SAMD12: variants seen among roughly 807,000 people sequenced by gnomAD.
The protein encoded by SAMD12 is sterile alpha motif domain-containing protein 12.
In SAMD12, 9 loss-of-function variants were observed where a neutral mutation model predicts 15.0. The observed-to-expected ratio is 0.60, with a 90% CI of 0.36 to 1.05. The LOEUF (loss-of-function observed/expected upper bound fraction) is 1.05. Among genes scored for constraint, SAMD12 ranks in the 50% least tolerant of loss-of-function variants. SAMD12 has a pLI of 0.01. For synonymous variants in SAMD12, 86 were observed against 90.1 expected, an observed-to-expected ratio of 0.96 and a Z score of 0.25; for missense variants, 230 against 234.2, an observed-to-expected ratio of 0.98 and a Z score of 0.12.
At chr8:118,526,032 T>C (rs1286206707) in intron 2 of SAMD12, among the ~76,000 whole-genome samples, 2 of 152,224 alleles carry the variant, frequency 1.3e-5, no homozygotes, top group African/African-American at 4.8e-5. Flanking sequence ...TTCACAAGAC[T>C]GATTACAGAC....
At chr8:118,271,714 A>T (rs572759889) in intron 4 of SAMD12, among the ~76,000 whole-genome samples, 6 of 152,326 alleles carry the variant, frequency 3.9e-5, no homozygotes, top group African/African-American at 1.2e-4. Context: ...CAAAGGGGCT[A>T]CAGGCCTCAT....
chr8:118,359,757 C>T (rs190118849), intron 4 of SAMD12, among the ~76,000 whole-genome samples: 1 of 152,152 alleles, frequency 6.6e-6, no homozygotes, highest in East Asian at 1.9e-4. Context: ...AATGACAGTG[C>T]TAAAAAAGTG....
At chr8:118,401,778 G>A (rs1029503370) in intron 3 of SAMD12, among the ~76,000 whole-genome samples, 1 of 152,088 alleles carries the variant, frequency 6.6e-6, no homozygotes, top group African/African-American at 2.4e-5. Flanking sequence ...ATGCATTGCT[G>A]GGATTGAACA....
intron 3 of SAMD12, among the ~76,000 whole-genome samples, chr8:118,384,294 A>G (rs1313139807): frequency 1.3e-5 from 2 of 152,158 alleles, no homozygotes; most frequent in Non-Finnish European, 2.9e-5. Flanking sequence ...CTGAATATGG[A>G]AAGTTTTGAG....
At chr8:118,507,286 G>A (rs1375281864) in intron 2 of SAMD12, among the ~76,000 whole-genome samples, 1 of 151,844 alleles carries the variant, frequency 6.6e-6, no homozygotes, top group East Asian at 1.9e-4. Context: ...CCTCCTCTGC[G>A]TTAGAGTGAT....
At chr8:118,529,505 A>G (rs1190574568) in intron 2 of SAMD12, among the ~76,000 whole-genome samples, 1 of 152,180 alleles carries the variant, frequency 6.6e-6, no homozygotes, top group Non-Finnish European at 1.5e-5. Context: ...AATAGTGTAC[A>G]TTGTACTCAA....
the SAMD12 span, among the ~76,000 whole-genome samples, chr8:118,133,332 CT>C: frequency 6.6e-6 from 1 of 151,580 alleles, no homozygotes; most frequent in African/African-American, 2.4e-5. Flanking sequence ...ATTTGATCTT[CT>C]TTTTTTTCCT....
intron 1 of SAMD12, among the ~76,000 whole-genome samples, chr8:118,582,415 A>C (rs573418398): frequency 6.6e-6 from 1 of 152,182 alleles, no homozygotes; most frequent in Admixed American, 6.5e-5. Context: ...ATACTGCTCA[A>C]ATATTCAATG....
intron 4 of SAMD12, among the ~76,000 whole-genome samples, chr8:118,347,605 G>T (rs1349545138): frequency 1.3e-5 from 2 of 152,068 alleles, no homozygotes; most frequent in African/African-American, 2.4e-5. Flanking sequence ...CACTATAAAA[G>T]GCTGTTTTTT....
intron 3 of SAMD12, among the ~76,000 whole-genome samples, chr8:118,406,243 T>G (rs974294247): frequency 2.0e-5 from 3 of 151,840 alleles, no homozygotes; most frequent in African/African-American, 7.3e-5. Context: ...ATATATAACA[T>G]AATTTACCAT....
intron 4 of SAMD12, among the ~76,000 whole-genome samples, chr8:118,265,789 T>C (rs1409131729): frequency 6.6e-6 from 1 of 151,658 alleles, no homozygotes; most frequent in Non-Finnish European, 1.5e-5. Context: ...AATTTGTATA[T>C]AGGAATTTTT....
downstream of SAMD12, among the ~76,000 whole-genome samples, chr8:118,188,593 C>A (rs1010258983): frequency 1.3e-5 from 2 of 152,044 alleles, no homozygotes; most frequent in African/African-American, 4.8e-5. Context: ...AGTGCTTTTT[C>A]CTTTCTGGGA....
At chr8:118,401,878 T>C (rs549622710) in intron 3 of SAMD12, among the ~76,000 whole-genome samples, 15 of 152,336 alleles carry the variant, frequency 9.8e-5, no homozygotes, top group Admixed American at 9.1e-4. Flanking sequence ...ATTTTCAGAA[T>C]GTCTTCTCAT....
chr8:118,187,044 G>A (rs1819255158), downstream of SAMD12, among the ~76,000 whole-genome samples: 1 of 152,144 alleles, frequency 6.6e-6, no homozygotes, highest in Non-Finnish European at 1.5e-5. Flanking sequence ...CAGACACTGG[G>A]CCATGGGAAC....
At chr8:118,340,693 CG>C (rs948378826) in intron 4 of SAMD12, among the ~76,000 whole-genome samples, 1 of 152,014 alleles carries the variant, frequency 6.6e-6, no homozygotes, top group African/African-American at 2.4e-5. Context: ...CACTTGAACC[CG>C]GGAGGTGGAG....
At chr8:118,216,936 A>G (rs939261325) in intron 4 of SAMD12, among the ~76,000 whole-genome samples, 1 of 152,194 alleles carries the variant, frequency 6.6e-6, no homozygotes, top group African/African-American at 2.4e-5. Context: ...TTCATTCCCT[A>G]TATCCACCCT....
intron 3 of SAMD12, among the ~76,000 whole-genome samples, chr8:118,382,443 A>T (rs1640861451): frequency 6.6e-6 from 1 of 152,232 alleles, no homozygotes; most frequent in African/African-American, 2.4e-5. Context: ...CTGTAGCCCC[A>T]GCCTTTCCAA....
intron 4 of SAMD12, among the ~76,000 whole-genome samples, chr8:118,319,001 C>G (rs1192868192): frequency 6.6e-6 from 1 of 152,082 alleles, no homozygotes; most frequent in African/African-American, 2.4e-5. Context: ...GCTGGACCAC[C>G]TTGCATGAGA....
intron 4 of SAMD12, among the ~76,000 whole-genome samples, chr8:118,332,543 T>C (rs927469186): frequency 1.1e-4 from 17 of 152,246 alleles, no homozygotes; most frequent in Non-Finnish European, 7.3e-5. Flanking sequence ...TGCTCATCCC[T>C]GCTTTTTTCA....
Sources: gnomAD v4.1 joint callset for allele counts (sites outside exome capture counted in the v4.1 genomes callset) on GRCh38, gnomAD v4.1.1 for gene constraint, MANE v1.5 for transcripts, NCBI Gene and HGNC (gene_info 2026-07-23, HGNC 2026-07-21) for gene names.